KIAA0825: variants seen among roughly 807,000 people sequenced by gnomAD.
KIAA0825 encodes the protein KIAA0825.
KIAA0825 carries 119 observed loss-of-function variants against 147.6 expected under a neutral mutation model. That is an observed-to-expected ratio of 0.81 (90% confidence interval 0.69 to 0.94). The LOEUF (loss-of-function observed/expected upper bound fraction) is 0.94. KIAA0825 is among the 40% of genes least tolerant of loss of function. The probability of loss-of-function intolerance (pLI) is 0.00; values close to 1 mark genes in which losing one functional copy is unlikely to be tolerated. For missense variants in KIAA0825, 1,381 were observed against 1,472.7 expected (o/e 0.94, Z 1.02); for synonymous variants, 470 against 518.1 (o/e 0.91, Z 1.26).
At chr5:94,237,687 C>A (rs1343089240) in intron 20 of KIAA0825, among the ~76,000 whole-genome samples, 1 of 152,132 alleles carries the variant, frequency 6.6e-6, no homozygotes, top group Non-Finnish European at 1.5e-5. Flanking sequence ...TCTTAAGGCT[C>A]CTTATGCTCT....
chr5:94,530,496 C>G (rs1178421536), intron 3 of KIAA0825, among the ~76,000 whole-genome samples: 1 of 152,004 alleles, frequency 6.6e-6, no homozygotes, highest in South Asian at 2.1e-4. Flanking sequence ...AGCTTCCAGC[C>G]CCTTCCCATC....
chr5:94,471,046 C>T (rs1761150246), intron 9 of KIAA0825, among the ~76,000 whole-genome samples: 4 of 152,134 alleles, frequency 2.6e-5, no homozygotes, highest in Admixed American at 2.0e-4. Context: ...AATATGTTTA[C>T]CTTGATCATT....
At chr5:94,284,931 G>A (rs1430283080) in intron 20 of KIAA0825, among the ~76,000 whole-genome samples, 5 of 152,094 alleles carry the variant, frequency 3.3e-5, no homozygotes, top group Non-Finnish European at 7.4e-5. Context: ...TTGTGTGTAT[G>A]TCTCAATTTC....
At chr5:94,560,100 C>G (rs553866836) in intron 2 of KIAA0825, among the ~76,000 whole-genome samples, 3 of 152,294 alleles carry the variant, frequency 2.0e-5, no homozygotes, top group African/African-American at 7.2e-5. Flanking sequence ...ACCACCTTGG[C>G]TAGTCAAACC....
chr5:94,324,187 T>C (rs1213109366), intron 20 of KIAA0825, among the ~76,000 whole-genome samples: 2 of 152,018 alleles, frequency 1.3e-5, no homozygotes, highest in African/African-American at 4.8e-5. Flanking sequence ...AAAGAGACTG[T>C]CAAGGGTGTG....
intron 20 of KIAA0825, among the ~76,000 whole-genome samples, chr5:94,269,534 G>A (rs1776887213): frequency 6.6e-6 from 1 of 151,918 alleles, no homozygotes; most frequent in Non-Finnish European, 1.5e-5. Flanking sequence ...AGAAACATAT[G>A]GAAATTAAAC....
chr5:94,501,182 G>T (rs1419102243), intron 5 of KIAA0825, among the ~76,000 whole-genome samples: 1 of 152,092 alleles, frequency 6.6e-6, no homozygotes, highest in Non-Finnish European at 1.5e-5. Flanking sequence ...AAAATATGCA[G>T]CCATTTGCTA....
intron 13 of KIAA0825, among the ~76,000 whole-genome samples, chr5:94,446,178 G>A (rs1001804672): frequency 6.6e-6 from 1 of 151,906 alleles, no homozygotes; most frequent in Non-Finnish European, 1.5e-5. Context: ...AGCACTTAGG[G>A]GACACAATAC....
Position 94,251,545 on chromosome 5 carries a change from A to G in KIAA0825, c.3711-97421T>C, listed in dbSNP as rs549136703. Among the ~76,000 whole-genome samples, 7 of 152,214 alleles carry G rather than the reference A, an allele frequency of 4.6e-5. No homozygotes were observed. In the South Asian group the frequency reaches 1.4e-3, roughly 32 times the overall value. ...CTTCAGGAATTAGGAGGAAAGAAGC[A>G]AACAACTTAGATTTATTCCTGATGA... On this transcript the variant is annotated intron_variant, in intron 20 of 20. Coordinates refer to ENST00000682413, the MANE Select transcript of KIAA0825 (RefSeq NM_001145678.3).
intron 2 of KIAA0825, among the ~76,000 whole-genome samples, chr5:94,578,249 T>C (rs1781425283): frequency 6.6e-6 from 1 of 152,220 alleles, no homozygotes; most frequent in Non-Finnish European, 1.5e-5. Flanking sequence ...CATTAGAGGT[T>C]TCCTTCTAAA....
At chr5:94,295,851 G>A (rs144127979) in intron 20 of KIAA0825, among the ~76,000 whole-genome samples, 1 of 152,218 alleles carries the variant, frequency 6.6e-6, no homozygotes, top group African/African-American at 2.4e-5. Context: ...CTGTATGAGG[G>A]GTCTGTTTAC....
intron 2 of KIAA0825, among the ~76,000 whole-genome samples, chr5:94,574,313 G>A (rs1189119942): frequency 6.6e-6 from 1 of 152,056 alleles, no homozygotes; most frequent in Non-Finnish European, 1.5e-5. Context: ...GGGAGGCTGA[G>A]GTGGGAGGAT....
intron 2 of KIAA0825, among the ~76,000 whole-genome samples, chr5:94,555,175 T>C (rs924714924): frequency 1.3e-5 from 2 of 152,116 alleles, no homozygotes; most frequent in Admixed American, 1.3e-4. Flanking sequence ...CTGAAATTTC[T>C]TTCTTCTCAT....
chr5:94,597,966 T>C (rs1239984710), intron 1 of KIAA0825, among the ~76,000 whole-genome samples: 2 of 152,140 alleles, frequency 1.3e-5, no homozygotes, highest in East Asian at 3.9e-4. Context: ...TGGAAGTTGC[T>C]TTGGGTGAGT....
intron 5 of KIAA0825, chr5:94,519,939 A>G: frequency 1.1e-6 from 1 of 872,728 alleles, no homozygotes; most frequent in Non-Finnish European, 1.4e-6. Context: ...TCATTTATAT[A>G]TATGTGTGTA....
intron 20 of KIAA0825, among the ~76,000 whole-genome samples, chr5:94,318,137 A>C (rs1477159521): frequency 6.6e-6 from 1 of 151,766 alleles, no homozygotes; most frequent in African/African-American, 2.4e-5. Flanking sequence ...AAAAAGTTAA[A>C]ATTAATAAAA....
intron 5 of KIAA0825, among the ~76,000 whole-genome samples, chr5:94,496,925 A>G (rs746311764): frequency 5.3e-5 from 8 of 152,132 alleles, no homozygotes; most frequent in Non-Finnish European, 7.4e-5. Context: ...TCTCTCCCCT[A>G]TATGTGAGCC....
intron 14 of KIAA0825, among the ~76,000 whole-genome samples, chr5:94,431,535 A>C (rs1408247997): frequency 6.6e-6 from 1 of 152,224 alleles, no homozygotes; most frequent in East Asian, 1.9e-4. Flanking sequence ...AAATTGTGAC[A>C]AAAAGAAGTA....
At chr5:94,449,946 G>A (rs1758191348) in intron 13 of KIAA0825, among the ~76,000 whole-genome samples, 1 of 151,922 alleles carries the variant, frequency 6.6e-6, no homozygotes, top group South Asian at 2.1e-4. Context: ...TGGGCATGGT[G>A]GCACGTGCCT....
Sources: allele counts gnomAD v4.1 joint callset (sites outside exome capture counted in the v4.1 genomes callset), GRCh38; gene constraint gnomAD v4.1.1; transcripts MANE v1.5; gene names NCBI Gene and HGNC (gene_info 2026-07-23, HGNC 2026-07-21).